The following BRD4 variants were observed in gnomAD, a reference collection of about 807,000 sequenced individuals.
BRD4 encodes bromodomain containing 4, also known as bromodomain-containing protein 4.
BRD4 carries 16 observed loss-of-function variants against 142.1 expected under a neutral mutation model. That is an observed-to-expected ratio of 0.11 (90% confidence interval 0.08 to 0.17). The LOEUF is 0.17. Ranked by LOEUF, BRD4 falls within the 10% of genes least tolerant of loss-of-function variation. The pLI, the probability that BRD4 is intolerant of heterozygous loss-of-function variation, is 1.00. For synonymous variants in BRD4, 833 were observed against 707.5 expected (o/e 1.18, Z -2.82); for missense variants, 1,424 against 1,810.9 (o/e 0.79, Z 3.88).
At chr19:15,325,703 G>T (rs2048101522) in intron 1 of BRD4, among the ~76,000 whole-genome samples, 1 of 151,934 alleles carries the variant, frequency 6.6e-6, no homozygotes, top group South Asian at 2.1e-4. Flanking sequence ...ATTCAAAGAT[G>T]AAAAAAGAGA....
At position 15,238,201 on chromosome 19, in the gene BRD4, GCAGA is replaced by G. The variant is rs1006057479; in HGVS notation, c.*172_*175del. ...GGACGTCTGTCCGACTGGCCGTAAG[GCAGA>G]CAGGCTCTGCAATCCTCAGCTGCCC... On this transcript the variant is annotated 3_prime_UTR_variant, in exon 20 of 20. Transcript: ENST00000679869. The surrounding 1 kb of genome is among the most constrained non-coding windows in gnomAD (Gnocchi z 7.2). The G allele has an allele frequency of 1.2e-5, 12 of 1,033,786 alleles. No homozygotes were observed. The African/African-American group carries it at 2.0e-4, about 17-fold the overall frequency. The allele number at this position is 1,033,786 out of a possible 1,614,324, so 64.0% of individuals were successfully genotyped here.
At chr19:15,320,649 T>A (rs2048053561) in intron 1 of BRD4, among the ~76,000 whole-genome samples, 1 of 152,176 alleles carries the variant, frequency 6.6e-6, no homozygotes, top group Non-Finnish European at 1.5e-5. Flanking sequence ...AGGGCTGTTT[T>A]CCCGCCAAAC....
chr19:15,238,353 AAGTC>A lies in BRD4; in HGVS notation c.*20_*23del. 1 of 1,613,748 alleles carries A rather than the reference AAGTC, an allele frequency of 6.2e-7. No individual in the cohort carries two copies. The highest frequency in any genetic ancestry group is 8.5e-7 in the Non-Finnish European group (1 of 1,179,800). On this transcript the variant is annotated 3_prime_UTR_variant, in exon 20 of 20. Transcript: ENST00000679869. This position sits in a 1 kb window ranked among gnomAD's most constrained non-coding sequence, Gnocchi z 7.2. ...AAGTCAATGTTTTGCCAGAAAATCA[AAGTC>A]AGAAGCCACCTAGGTGCGCTCAGAA...
intron 2 of BRD4, 34 bp from the exon 3 acceptor site, chr19:15,269,076 TAGGCAGCC>T: frequency 6.2e-7 from 1 of 1,611,668 alleles, no homozygotes; most frequent in African/African-American, 1.3e-5. Flanking sequence ...CAGTGTCACC[TAGGCAGCC>T]AGGCAGCACA....
At chr19:15,244,106 A>G in intron 13 of BRD4, 125 bp downstream of exon 13, 2 of 1,509,186 alleles carry the variant, frequency 1.3e-6, no homozygotes, top group African/African-American at 1.4e-5. Flanking sequence ...GAAGCCACAG[A>G]TCTTCCCTCT....
intron 2 of BRD4, among the ~76,000 whole-genome samples, chr19:15,272,206 A>C: frequency 6.6e-6 from 1 of 152,138 alleles, no homozygotes; most frequent in East Asian, 1.9e-4. Flanking sequence ...GCGGGCTCAC[A>C]AAAGCACAAG....
chr19:15,265,303 G>A, intron 5 of BRD4, 51 bp downstream of exon 5: 1 of 1,443,684 alleles, frequency 6.9e-7, no homozygotes, highest in South Asian at 1.5e-5. Flanking sequence ...GGCAAGGACA[G>A]GGCCGCTCTC....
intron 1 of BRD4, among the ~76,000 whole-genome samples, chr19:15,299,334 T>C (rs1162710409): frequency 6.6e-6 from 1 of 152,206 alleles, no homozygotes; most frequent in Non-Finnish European, 1.5e-5. Flanking sequence ...ACTCACACAA[T>C]TCCTTTCTCA....
chr19:15,255,196 A>G (rs1246599979), intron 10 of BRD4, 101 bp downstream of exon 10: 9 of 1,223,938 alleles, frequency 7.4e-6, no homozygotes, highest in African/African-American at 1.6e-5. Flanking sequence ...TTGGAAAAAA[A>G]AAAGGGGGGG....
At chr19:15,264,268 C>A in intron 6 of BRD4, 136 bp downstream of exon 6, 1 of 1,255,672 alleles carries the variant, frequency 8.0e-7, no homozygotes, top group Non-Finnish European at 1.1e-6. Flanking sequence ...TGAGTTTCTT[C>A]GAGTTGGCGG....
At chr19:15,245,758 G>A (rs554050681) in intron 11 of BRD4, among the ~76,000 whole-genome samples, 8 of 152,322 alleles carry the variant, frequency 5.3e-5, no homozygotes, top group Non-Finnish European at 1.2e-4. Flanking sequence ...CCAGATGGGA[G>A]GCCGGGCCCA....
chr19:15,264,863 C>G, intron 5 of BRD4, 97 bp from the exon 6 acceptor site: 3 of 1,504,432 alleles, frequency 2.0e-6, no homozygotes, highest in Non-Finnish European at 2.7e-6. Context: ...GTCTTGGGGC[C>G]CATCGCTCAC....
intron 7 of BRD4, 116 bp downstream of exon 7, chr19:15,263,304 G>A (rs2047494303): frequency 7.7e-6 from 10 of 1,290,440 alleles, no homozygotes; most frequent in East Asian, 4.7e-5. Flanking sequence ...AAGCAACATG[G>A]CATTATCCCA....
intron 1 of BRD4, among the ~76,000 whole-genome samples, chr19:15,290,044 G>A (rs2047770231): frequency 6.6e-6 from 1 of 152,174 alleles, no homozygotes; most frequent in African/African-American, 2.4e-5. Context: ...AAAACCATAT[G>A]ACTGCCTTAG....
At chr19:15,321,638 C>T (rs141569016) in intron 1 of BRD4, among the ~76,000 whole-genome samples, 2 of 152,230 alleles carry the variant, frequency 1.3e-5, no homozygotes, top group Non-Finnish European at 2.9e-5. Flanking sequence ...CATGTTGCAT[C>T]AGGCAACAAA....
intron 11 of BRD4, among the ~76,000 whole-genome samples, chr19:15,250,200 C>G (rs2047329896): frequency 6.6e-6 from 1 of 152,234 alleles, no homozygotes; most frequent in Non-Finnish European, 1.5e-5. Context: ...CATGAAGCCC[C>G]AGAATCCCTC....
chr19:15,249,110 T>A lies in BRD4; in HGVS notation c.2159-4348A>T, dbSNP rs570885415. ...CTTCCCGAAGGCGGGACTAGGCGTG[T>A]GCTGCTGGACATGACTAATCCACCC... On this transcript the variant is annotated intron_variant, in intron 11 of 19. Coordinates refer to ENST00000679869, the MANE Select transcript of BRD4 (RefSeq NM_001379291.1). 75 of 1,108,838 alleles carry A rather than the reference T, an allele frequency of 6.8e-5. No individual in the cohort carries two copies. The East Asian group carries it at 1.3e-3, about 20-fold the overall frequency. 68.7% of individuals were successfully genotyped at this position (1,108,838 alleles called of 1,614,324 possible). A position where few individuals can be genotyped will look rare whatever the true frequency, so the allele number is the denominator to read the frequency against.
chr19:15,240,475 G>C (rs1439157333), intron 14 of BRD4, among the ~76,000 whole-genome samples: 4 of 152,186 alleles, frequency 2.6e-5, no homozygotes. Context: ...GATGATTGCA[G>C]GGGGTGCAAG....
intron 1 of BRD4, among the ~76,000 whole-genome samples, chr19:15,328,795 C>T (rs2048131799): frequency 6.6e-6 from 1 of 152,148 alleles, no homozygotes. Flanking sequence ...TGTTTTGGGA[C>T]GGAGTTTCGC....
Sources: allele counts gnomAD v4.1 joint callset (sites outside exome capture counted in the v4.1 genomes callset), GRCh38; gene constraint gnomAD v4.1.1; non-coding constraint Gnocchi (gnomAD v3.1); transcripts MANE v1.5; gene names NCBI Gene and HGNC (gene_info 2026-07-23, HGNC 2026-07-21).